The following NETO1 variants were observed in gnomAD, a reference collection of about 807,000 sequenced individuals.
NETO1 encodes neuropilin and tolloid-like protein 1.
In NETO1, 26 loss-of-function variants were observed where a neutral mutation model predicts 61.3. That is an observed-to-expected ratio of 0.42 (90% CI 0.31 to 0.59). The LOEUF (loss-of-function observed/expected upper bound fraction) is 0.59, where lower values mean the gene tolerates loss of function less well. Ranked by LOEUF, NETO1 falls within the 20% of genes least tolerant of loss-of-function variation. The pLI is 0.12. For missense variants in NETO1, 531 were observed against 662.8 expected (o/e 0.80, Z 2.18); for synonymous variants, 225 against 225.8 (o/e 1.00, Z 0.03).
At position 72,827,731 on chromosome 18, in the gene NETO1, A is replaced by AAG. The variant is rs1555694553; in HGVS notation, c.469+31094_469+31095insCT. On this transcript the variant is annotated intron_variant, in intron 4 of 10. Coordinates refer to ENST00000327305, the MANE Select transcript of NETO1 (RefSeq NM_138966.5). ...GACCCTGTCTCAAAAAAAAAAAAAA[A>AAG]AAAAAAGAAAGGGGAAAAAAGGATT... Among the ~76,000 whole-genome samples, 618 of 148,588 alleles carry AAG rather than the reference A, an allele frequency of 4.2e-3. 3 individuals are homozygous for AAG. Among genetic ancestry groups the AAG allele is most frequent in the African/African-American group, 0.014 (549 of 40,370 alleles).
At chr18:72,758,393 G>GTGTGTGTGTGTC in intron 7 of NETO1, among the ~76,000 whole-genome samples, 1 of 150,002 alleles carries the variant, frequency 6.7e-6, no homozygotes, top group Middle Eastern at 3.4e-3. Flanking sequence ...CTTTGTGTGT[G>GTGTGTGTGTGTC]TGTGTGTGTG....
At chr18:72,817,470 G>C (rs1166023715) in intron 4 of NETO1, among the ~76,000 whole-genome samples, 2 of 152,204 alleles carry the variant, frequency 1.3e-5, no homozygotes, top group African/African-American at 2.4e-5. Flanking sequence ...GATAAATAAT[G>C]CATTGTCACT....
chr18:72,808,771 C>A (rs1350317704), intron 4 of NETO1, among the ~76,000 whole-genome samples: 1 of 152,214 alleles, frequency 6.6e-6, no homozygotes, highest in East Asian at 1.9e-4. Context: ...AGAGCTGGAG[C>A]AGCCTCTTGC....
chr18:72,757,172 T>C (rs1351324795), intron 7 of NETO1, among the ~76,000 whole-genome samples: 2 of 152,156 alleles, frequency 1.3e-5, no homozygotes, highest in Non-Finnish European at 2.9e-5. Flanking sequence ...AACATATGAA[T>C]TTCCAATGAT....
chr18:72,834,559 TGTA>T (rs2073682809), intron 4 of NETO1: 1 of 978,170 alleles, frequency 1.0e-6, no homozygotes, highest in Non-Finnish European at 1.2e-6. Context: ...ATGAAAATCA[TGTA>T]GTAATCTATT....
chr18:72,863,958 G>A (rs901217960), intron 3 of NETO1, among the ~76,000 whole-genome samples: 5 of 152,118 alleles, frequency 3.3e-5, no homozygotes, highest in Non-Finnish European at 5.9e-5. Context: ...CATGGTTCAC[G>A]CCTGTAATCC....
chr18:72,772,759 C>CTATATCTA (rs1485448435), intron 7 of NETO1, among the ~76,000 whole-genome samples: 2,112 of 102,330 alleles, frequency 0.021, 138 homozygotes, highest in African/African-American at 0.072. Flanking sequence ...CTATATATAT[C>CTATATCTA]TATATATATA....
At chr18:72,814,392 AT>A (rs1481259215) in intron 4 of NETO1, among the ~76,000 whole-genome samples, 2 of 152,198 alleles carry the variant, frequency 1.3e-5, no homozygotes, top group Non-Finnish European at 2.9e-5. Context: ...GGAAAAAGTA[AT>A]TTAATTCCAA....
chr18:72,831,418 A>C (rs567516128), intron 4 of NETO1, among the ~76,000 whole-genome samples: 1 of 152,236 alleles, frequency 6.6e-6, no homozygotes, highest in South Asian at 2.1e-4. Flanking sequence ...AAGATGTAGC[A>C]ATATAACTCA....
intron 1 of NETO1, chr18:72,866,770 C>T (rs2074746757): frequency 1.0e-6 from 1 of 992,428 alleles, no homozygotes; most frequent in African/African-American, 1.7e-5. Flanking sequence ...CAGCGGTCTC[C>T]AGGGCGGAAA....
intron 4 of NETO1, among the ~76,000 whole-genome samples, chr18:72,842,227 A>AT (rs1360825198): frequency 6.6e-6 from 1 of 152,014 alleles, no homozygotes; most frequent in Non-Finnish European, 1.5e-5. Flanking sequence ...ACTGTTATTC[A>AT]TTTTTTTCCA....
intron 4 of NETO1, among the ~76,000 whole-genome samples, chr18:72,848,194 T>C (rs959868690): frequency 5.3e-5 from 8 of 152,166 alleles, no homozygotes; most frequent in Non-Finnish European, 7.3e-5. Flanking sequence ...ACATAACATA[T>C]TCACAGGCTC....
chr18:72,769,704 G>A (rs2071284963), intron 7 of NETO1, among the ~76,000 whole-genome samples: 1 of 152,010 alleles, frequency 6.6e-6, no homozygotes, highest in Admixed American at 6.6e-5. Context: ...TGTATTAAAT[G>A]TTTATCCCAT....
At chr18:72,848,687 T>C (rs1252710419) in intron 4 of NETO1, among the ~76,000 whole-genome samples, 1 of 152,224 alleles carries the variant, frequency 6.6e-6, no homozygotes, top group Non-Finnish European at 1.5e-5. Context: ...CTCTACCTTC[T>C]GGACTTAACT....
At chr18:72,812,540 G>A (rs2072901906) in intron 4 of NETO1, among the ~76,000 whole-genome samples, 1 of 152,180 alleles carries the variant, frequency 6.6e-6, no homozygotes, top group Non-Finnish European at 1.5e-5. Context: ...ACCTCAAAAT[G>A]ACCAAGGTCA....
At chr18:72,777,285 G>T (rs1053176060) in intron 7 of NETO1, among the ~76,000 whole-genome samples, 1 of 152,078 alleles carries the variant, frequency 6.6e-6, no homozygotes, top group Non-Finnish European at 1.5e-5. Flanking sequence ...TGGTGTAGTG[G>T]TGTATGCCTG....
chr18:72,748,897 G>C, intron 10 of NETO1, 117 bp downstream of exon 10: 1 of 726,562 alleles, frequency 1.4e-6, no homozygotes, highest in Non-Finnish European at 2.5e-6. Context: ...GAAATGTCAT[G>C]AAACACATAT....
intron 4 of NETO1, among the ~76,000 whole-genome samples, chr18:72,808,441 G>GTGTGTC (rs1568216229): frequency 6.6e-6 from 1 of 151,626 alleles, no homozygotes; most frequent in Non-Finnish European, 1.5e-5. Context: ...GTGTGTGTGT[G>GTGTGTC]TGTGTGTGTG....
At position 72,867,360 on chromosome 18, in the gene NETO1, C is replaced by T; in HGVS notation, c.-69G>A. 7 of 1,365,332 alleles carry T rather than the reference C, an allele frequency of 5.1e-6. No homozygotes were observed. Among genetic ancestry groups the T allele is most frequent in the Non-Finnish European group, 7.0e-6 (7 of 1,001,698 alleles). The allele number at this position is 1,365,332 out of a possible 1,614,324, so 84.6% of individuals were successfully genotyped here. On this transcript the variant is annotated 5_prime_UTR_variant, in exon 1 of 11. Coordinates refer to ENST00000327305, the MANE Select transcript of NETO1 (RefSeq NM_138966.5). ...TTAGAGACGGGAAGACTTCCAGTGGCGGGGGGAGGACAGGGTCGAGAGGTG... is the reference window on the plus strand; with the variant it reads ...TTAGAGACGGGAAGACTTCCAGTGGTGGGGGGAGGACAGGGTCGAGAGGTG...
Sources: allele counts gnomAD v4.1 joint callset (sites outside exome capture counted in the v4.1 genomes callset), GRCh38; gene constraint gnomAD v4.1.1; transcripts MANE v1.5; gene names NCBI Gene and HGNC (gene_info 2026-07-23, HGNC 2026-07-21).